Variants in OTUD7B observed in about 807,000 individuals in gnomAD.
OTUD7B encodes OTU domain-containing protein 7B.
OTUD7B carries 34 observed loss-of-function variants against 82.2 expected under a neutral mutation model. That is an observed-to-expected ratio of 0.41 (90% CI 0.31 to 0.55). The LOEUF (loss-of-function observed/expected upper bound fraction) is 0.55. Ranked by LOEUF, OTUD7B falls within the 20% of genes least tolerant of loss-of-function variation. The probability of loss-of-function intolerance (pLI) is 0.20; values close to 1 mark genes in which losing one functional copy is unlikely to be tolerated. For missense variants in OTUD7B, 944 were observed against 1,062.1 expected, an observed-to-expected ratio of 0.89 and a Z score of 1.55; for synonymous variants, 398 against 402.7, an observed-to-expected ratio of 0.99 and a Z score of 0.14.
chr1:150,035,457 A>T, the OTUD7B span, among the ~76,000 whole-genome samples: 1 of 152,262 alleles, frequency 6.6e-6, no homozygotes, highest in Admixed American at 6.5e-5. Context: ...GACAAAATAC[A>T]GTGCTATTTA....
rs587626351 is a variant in OTUD7B, at chr1:149,994,070, G to A, written c.-67+16378C>T. On this transcript the variant is annotated intron_variant, in intron 1 of 11. Transcript: ENST00000581312. Reference sequence around the variant, plus strand: ...AAGCCATCTGGTAAACATCCATTGTGTTCTGAGCCTTCTTGAAATTAATCC... The same window carrying A: ...AAGCCATCTGGTAAACATCCATTGTATTCTGAGCCTTCTTGAAATTAATCC... Among the ~76,000 whole-genome samples, 144 of 152,282 alleles carry A rather than the reference G, an allele frequency of 9.5e-4. 1 individual carries two copies. Among genetic ancestry groups the A allele is most frequent in the African/African-American group, 3.2e-3 (131 of 41,540 alleles).
At chr1:150,059,948 C>CA in the OTUD7B span, among the ~76,000 whole-genome samples, 4 of 151,246 alleles carry the variant, frequency 2.6e-5, no homozygotes, top group Non-Finnish European at 5.9e-5. Context: ...TGCAAACAAA[C>CA]AAAAAAAACC....
At chr1:150,016,312 A>C in the OTUD7B span, among the ~76,000 whole-genome samples, 2 of 152,190 alleles carry the variant, frequency 1.3e-5, no homozygotes, top group Non-Finnish European at 2.9e-5. Flanking sequence ...TCTTAACTCC[A>C]TTTCTACATT....
At chr1:149,972,591 T>C (rs1319844149) in intron 2 of OTUD7B, among the ~76,000 whole-genome samples, 1 of 152,222 alleles carries the variant, frequency 6.6e-6, no homozygotes, top group East Asian at 1.9e-4. Flanking sequence ...TAACAGTTTA[T>C]AATATACTTT....
chr1:150,059,519 G>A, the OTUD7B span, among the ~76,000 whole-genome samples: 5 of 151,846 alleles, frequency 3.3e-5, no homozygotes, highest in African/African-American at 4.8e-5. Context: ...ACAGGCATGC[G>A]CCATCACACC....
chr1:149,956,728 T>C (rs193248195), intron 7 of OTUD7B, among the ~76,000 whole-genome samples: 2,886 of 152,272 alleles, frequency 0.019, 65 homozygotes, highest in African/African-American at 0.063. Flanking sequence ...AGGATTTGTT[T>C]GTTTCTTTTT....
At chr1:150,034,277 G>A in the OTUD7B span, among the ~76,000 whole-genome samples, 2 of 152,076 alleles carry the variant, frequency 1.3e-5, no homozygotes, top group Non-Finnish European at 2.9e-5. Context: ...TAAAGGTATT[G>A]GGATCAATTC....
chr1:149,983,140 C>T (rs1553780132), intron 1 of OTUD7B, among the ~76,000 whole-genome samples: 1 of 152,192 alleles, frequency 6.6e-6, no homozygotes, highest in East Asian at 1.9e-4. Context: ...CAGGCGTGAG[C>T]CACTGCGCCC....
chr1:150,012,233 G>C (rs1342762080), upstream of OTUD7B, among the ~76,000 whole-genome samples: 1 of 152,206 alleles, frequency 6.6e-6, no homozygotes, highest in Non-Finnish European at 1.5e-5. Context: ...AACTGAACTG[G>C]AAGGGTACGG....
intron 1 of OTUD7B, among the ~76,000 whole-genome samples, chr1:149,984,738 T>A (rs1313469885): frequency 3.9e-5 from 6 of 152,162 alleles, no homozygotes; most frequent in African/African-American, 9.7e-5. Flanking sequence ...TTTCAAACTA[T>A]TCCTCTTCCA....
chr1:149,950,312 G>A (rs1648091689), intron 7 of OTUD7B, 91 bp from the exon 8 acceptor site: 5 of 1,299,314 alleles, frequency 3.8e-6, no homozygotes, highest in Non-Finnish European at 2.1e-6. Flanking sequence ...CTGCAGAAAG[G>A]GAAAAGAAGA....
At chr1:150,066,058 G>A in the OTUD7B span, among the ~76,000 whole-genome samples, 5 of 152,132 alleles carry the variant, frequency 3.3e-5, no homozygotes, top group Non-Finnish European at 5.9e-5. This position sits in a 1 kb window ranked among gnomAD's most constrained non-coding sequence, Gnocchi z 4.6. Flanking sequence ...AAAAAGGCAC[G>A]AATTTCATAG....
At chr1:150,008,083 T>C (rs2101949472) in intron 1 of OTUD7B, among the ~76,000 whole-genome samples, 3 of 152,334 alleles carry the variant, frequency 2.0e-5, no homozygotes, top group African/African-American at 7.2e-5. Flanking sequence ...TTTGGTTACA[T>C]ACATTGAATC....
intron 1 of OTUD7B, among the ~76,000 whole-genome samples, chr1:149,985,343 G>C (rs1448157410): frequency 6.6e-6 from 1 of 151,984 alleles, no homozygotes; most frequent in Non-Finnish European, 1.5e-5. Context: ...GGGAGGTGGA[G>C]GTTGAGTGAG....
chr1:149,971,035 T>C, intron 3 of OTUD7B, 28 bp downstream of exon 3: 1 of 1,524,354 alleles, frequency 6.6e-7, no homozygotes, highest in South Asian at 1.2e-5. Context: ...CTACTCCATA[T>C]ACGGAAACAT....
intron 1 of OTUD7B, among the ~76,000 whole-genome samples, chr1:149,990,248 C>T (rs189753457): frequency 2.4e-4 from 37 of 152,320 alleles, no homozygotes; most frequent in South Asian, 1.4e-3. Context: ...CCTTTAAGGA[C>T]GTGTAAAAGC....
chr1:150,052,044 A>G, the OTUD7B span, among the ~76,000 whole-genome samples: 848 of 152,324 alleles, frequency 5.6e-3, 5 homozygotes, highest in African/African-American at 0.019. Flanking sequence ...GTCATCTATG[A>G]CAAACCCACA....
the OTUD7B span, among the ~76,000 whole-genome samples, chr1:150,021,548 G>C: frequency 6.6e-6 from 1 of 152,186 alleles, no homozygotes; most frequent in Non-Finnish European, 1.5e-5. Context: ...AGTTAAAGCA[G>C]ATATGAGGTG....
chr1:150,064,518 C>T, the OTUD7B span, among the ~76,000 whole-genome samples: 56 of 127,184 alleles, frequency 4.4e-4, no homozygotes, highest in Admixed American at 3.8e-3. Context: ...CACAGATGTA[C>T]CCGCTACACC....
Sources: allele counts gnomAD v4.1 joint callset (sites outside exome capture counted in the v4.1 genomes callset), GRCh38; gene constraint gnomAD v4.1.1; non-coding constraint Gnocchi (gnomAD v3.1); transcripts MANE v1.5; gene names NCBI Gene and HGNC (gene_info 2026-07-23, HGNC 2026-07-21).